Variants in NLRP2 observed in about 807,000 individuals in gnomAD.
NLRP2 encodes NACHT, LRR and PYD domains-containing protein 2.
In NLRP2, 107 loss-of-function variants were observed where a neutral mutation model predicts 97.2. That is an observed-to-expected ratio of 1.10 (90% CI 0.94 to 1.29). The LOEUF is 1.29. Ranked by LOEUF, NLRP2 falls within the 50% of genes most tolerant of loss-of-function variation. NLRP2 has a pLI of 0.00. For missense variants in NLRP2, 1,495 were observed against 1,330.3 expected (o/e 1.12, Z -1.93); for synonymous variants, 663 against 551.5 (o/e 1.20, Z -2.83).
intron 11 of NLRP2, among the ~76,000 whole-genome samples, chr19:54,994,889 G>A (rs1311116568): frequency 2.0e-5 from 3 of 151,456 alleles, no homozygotes; most frequent in Non-Finnish European, 4.4e-5. Context: ...GATTACAGGC[G>A]TGAGCCACTG....
At chr19:54,986,412 C>G in intron 8 of NLRP2, 97 bp downstream of exon 8, 1 of 1,136,604 alleles carries the variant, frequency 8.8e-7, no homozygotes, top group African/African-American at 1.5e-5. Context: ...GTTCGTTATT[C>G]TGACTAGAAA....
In NLRP2 at chr19:54,982,864, C is replaced by T. The variant is rs776720130; in HGVS notation, c.1166C>T (p.Ala389Val). ...GCCTTTGAGCTAATGAGGAGCAACG[C>T]GGCCCTGTTCCAGCTGGGCTCGGCC... is the stretch of plus-strand genomic sequence containing the variant. ...MRAFELMRSN[A>V]ALFQLGSAPA... Residue 389 changes from alanine (A) to valine (V), a missense_variant, in exon 6 of 13, where the codon GCG (alanine) becomes GTG (valine). Coordinates refer to ENST00000448584, the MANE Select transcript of NLRP2 (RefSeq NM_017852.5). 56 of 1,613,036 alleles carry T rather than the reference C, an allele frequency of 3.5e-5. No homozygotes were observed. Among genetic ancestry groups the T allele is most frequent in the Non-Finnish European group, 4.4e-5 (52 of 1,179,988 alleles).
chr19:54,998,163 C>T (rs912681228), intron 12 of NLRP2, among the ~76,000 whole-genome samples: 6 of 151,732 alleles, frequency 4.0e-5, no homozygotes, highest in African/African-American at 1.2e-4. Context: ...GGATTACAGG[C>T]ATGCACCACC....
At chr19:54,991,548 CT>C (rs2072474823) in intron 10 of NLRP2, 1 of 120,334 alleles carries the variant, frequency 8.3e-6, no homozygotes, top group Non-Finnish European at 1.9e-5. Context: ...GCAAGACTCT[CT>C]CAAAAAAAAA....
chr19:54,966,260 A>C (rs2070392225), upstream of NLRP2: 1 of 152,504 alleles, frequency 6.6e-6, no homozygotes, highest in East Asian at 2.0e-4. Context: ...CCACAGGTGG[A>C]GATCCGGAAG....
chr19:54,996,888 A>T (rs992994459), intron 11 of NLRP2, among the ~76,000 whole-genome samples: 9 of 151,986 alleles, frequency 5.9e-5, no homozygotes, highest in Non-Finnish European at 1.2e-4. Context: ...CTGTTAGCAG[A>T]TGAGCCCTGA....
At chr19:54,996,598 G>C (rs924749867) in intron 11 of NLRP2, among the ~76,000 whole-genome samples, 12 of 152,122 alleles carry the variant, frequency 7.9e-5, no homozygotes, top group Admixed American at 7.9e-4. Context: ...ATTGACGATG[G>C]CTTCAGGGTC....
At chr19:54,982,066 CTG>C (rs1312844789) in intron 5 of NLRP2, 94 bp from the exon 6 acceptor site, 11 of 1,505,580 alleles carry the variant, frequency 7.3e-6, no homozygotes, top group South Asian at 5.6e-5. Flanking sequence ...GCATGAGCCA[CTG>C]TGCCCGGCCA....
rs1568502758 is a variant in NLRP2, at chr19:54,983,612, G to A, written c.1914G>A (p.Val638=). The A allele has an allele frequency of 2.5e-6, 4 of 1,614,040 alleles. No homozygotes were observed. The highest frequency in any genetic ancestry group is 3.4e-6 in the Non-Finnish European group (4 of 1,180,024). The change falls in exon 6 of 13, where the codon GTG becomes GTA. Residue 638 remains valine (V), a synonymous_variant. Transcript: ENST00000448584. ...TGCACTTAAATGCAGTAGACGTTGTGCCATCTTCATTCTGCGTCAAGCACT... is the reference window on the plus strand; with the variant it reads ...TGCACTTAAATGCAGTAGACGTTGTACCATCTTCATTCTGCGTCAAGCACT... The part of the protein sequence containing the change: ...ISLHLNAVDV[V]PSSFCVKHCR...
rs370917281 is a variant in NLRP2 at position 54,969,968 on chromosome 19, C to T, written c.-17-31C>T. 3.5e-5 allele frequency: 57 copies of T among 1,606,136 alleles called. No individual in the cohort carries two copies. In the African/African-American group the frequency reaches 7.2e-4, roughly 20 times the overall value. Reference sequence around the variant, plus strand: ...GAGACAGGAGTGCTAATCACCATCCCTCTCCACTCCTCCCTTGATTGTCAT... The same window carrying T: ...GAGACAGGAGTGCTAATCACCATCCTTCTCCACTCCTCCCTTGATTGTCAT... On this transcript the variant is annotated intron_variant, in intron 1 of 12. Coordinates refer to ENST00000448584, the MANE Select transcript of NLRP2 (RefSeq NM_017852.5).
intron 3 of NLRP2, chr19:54,977,012 A>G (rs2071282083): frequency 6.0e-6 from 2 of 331,550 alleles, no homozygotes; most frequent in South Asian, 2.3e-5. Flanking sequence ...ACGGGGCTTC[A>G]CCATGTTGGC....
rs1301307802 is a variant in NLRP2 at position 54,970,380 on chromosome 19, C to T, written c.280+85C>T. 36 of 1,508,390 alleles carry T rather than the reference C, an allele frequency of 2.4e-5. 1 individual carries two copies. In the South Asian group the frequency reaches 2.8e-4, roughly 12 times the overall value. The allele number at this position is 1,508,390 out of a possible 1,614,324, so 93.4% of individuals were successfully genotyped here. A position where few individuals can be genotyped will look rare whatever the true frequency, so the allele number is the denominator to read the frequency against. On this transcript the variant is annotated intron_variant, in intron 2 of 12. Coordinates refer to ENST00000448584, the MANE Select transcript of NLRP2 (RefSeq NM_017852.5). The stretch of plus-strand genomic sequence containing the variant: ...TTAGAAATTCAGAAGGCCAGGCGCG[C>T]TGGCTCACGCCTGTCGTCCCAGCCC...
At position 54,982,342 on chromosome 19, in the gene NLRP2, C is replaced by T; in HGVS notation, c.644C>T (p.Ala215Val). 1.2e-6 allele frequency: 2 copies of T among 1,614,076 alleles called. No homozygotes were observed. The highest frequency in any genetic ancestry group is 1.7e-5 in the Admixed American group (1 of 59,992). The change falls in exon 6 of 13, where the codon GCA (alanine) becomes GTA (valine). Residue 215 changes from alanine (A) to valine (V), a missense_variant. Transcript: ENST00000448584. ...TACACGGTGGTGCTGTATGGTCCTG[C>T]AGGCCTTGGGAAAACCACGCTGGCC... ...FSYTVVLYGP[A>V]GLGKTTLAQK... is the part of the protein sequence containing the mutation.
chr19:54,981,524 C>CCCCCCCCCCAACCCCCCG, intron 4 of NLRP2, 93 bp from the exon 5 acceptor site: 1 of 450,130 alleles, frequency 2.2e-6, no homozygotes, highest in South Asian at 1.7e-5. Context: ...CCCTCCCCCC[C>CCCCCCCCCCAACCCCCCG]GCCCCATCAG....
chr19:54,977,638 T>C lies in NLRP2; in HGVS notation c.326-114T>C, dbSNP rs1054405052. ...TACATCCAGTACCTTATCAACGTCC[T>C]TTTTAGTACCTAATCTAGGCTTCAC... On this transcript the variant is annotated intron_variant, in intron 3 of 12. Coordinates refer to ENST00000448584, the MANE Select transcript of NLRP2 (RefSeq NM_017852.5). 1.5e-5 allele frequency: 15 copies of C among 997,216 alleles called. No individual in the cohort carries two copies. The African/African-American group carries it at 2.1e-4, about 14-fold the overall frequency. The allele number at this position is 997,216 out of a possible 1,614,324, so 61.8% of individuals were successfully genotyped here. A position where few individuals can be genotyped will look rare whatever the true frequency, so the allele number is the denominator to read the frequency against.
intron 11 of NLRP2, among the ~76,000 whole-genome samples, chr19:54,996,382 T>C (rs2072826106): frequency 1.3e-5 from 2 of 151,906 alleles, no homozygotes; most frequent in Non-Finnish European, 2.9e-5. Context: ...TGGTGGCACA[T>C]AGCTATAATC....
At chr19:54,967,917 AT>A (rs55659818) in intron 1 of NLRP2, among the ~76,000 whole-genome samples, 21,117 of 126,144 alleles carry the variant, frequency 0.17, 1,665 homozygotes, top group African/African-American at 0.27. Flanking sequence ...TGCTACTGCT[AT>A]TTTTTTTTTT....
chr19:54,986,499 C>T lies in NLRP2; in HGVS notation c.2366+184C>T. On this transcript the variant is annotated intron_variant, in intron 8 of 12. Coordinates refer to ENST00000448584, the MANE Select transcript of NLRP2 (RefSeq NM_017852.5). ...CTACTTGCCTTGAACAGTAAACACC[C>T]TGGACAACCATACGTGAGGACCCTG... 4.6e-6 allele frequency: 3 copies of T among 655,002 alleles called. No individual in the cohort carries two copies. In the Admixed American group the frequency reaches 6.7e-5, roughly 15 times the overall value. The allele number at this position is 655,002 out of a possible 1,614,324, so 40.6% of individuals were successfully genotyped here.
chr19:54,998,636 T>A (rs1379499327), intron 12 of NLRP2, among the ~76,000 whole-genome samples: 14,490 of 96,994 alleles, frequency 0.15, 923 homozygotes, highest in Non-Finnish European at 0.21. Flanking sequence ...TTTTCCTTTT[T>A]TTTTTTTTTT....
Sources: allele counts gnomAD v4.1 joint callset (sites outside exome capture counted in the v4.1 genomes callset), GRCh38; gene constraint gnomAD v4.1.1; transcripts MANE v1.5; gene names NCBI Gene and HGNC (gene_info 2026-07-23, HGNC 2026-07-21).